The following NAV2 variants were observed in gnomAD, a reference collection of about 807,000 sequenced individuals.
The protein encoded by NAV2 is neuron navigator 2, also known as helicase, APC down-regulated 1.
Under a neutral mutation model 223.2 loss-of-function variants are expected in NAV2, and 54 were observed. The ratio of observed to expected loss-of-function variants is 0.24; its 90% confidence interval spans 0.19 to 0.30. The LOEUF is 0.30. NAV2 is among the 10% of genes least tolerant of loss of function. NAV2 has a pLI of 1.00. For missense variants in NAV2, 2,806 were observed against 3,147.5 expected (o/e 0.89, Z 2.60); for synonymous variants, 1,279 against 1,239.3 (o/e 1.03, Z -0.67).
At chr11:19,947,834 A>C (rs1181325890) in intron 9 of NAV2, among the ~76,000 whole-genome samples, 4 of 152,222 alleles carry the variant, frequency 2.6e-5, no homozygotes, top group African/African-American at 9.6e-5. Flanking sequence ...TGAGAAAAGC[A>C]AAAGTCTGGG....
chr11:19,794,936 G>T (rs533611727), intron 1 of NAV2, among the ~76,000 whole-genome samples: 1 of 152,272 alleles, frequency 6.6e-6, no homozygotes, highest in Admixed American at 6.5e-5. Flanking sequence ...GAAAACAATT[G>T]CAATAAAGAC....
At chr11:19,489,889 C>A (rs2042568087) in intron 1 of NAV2, among the ~76,000 whole-genome samples, 1 of 152,080 alleles carries the variant, frequency 6.6e-6, no homozygotes, top group African/African-American at 2.4e-5. Context: ...TCCCAGAACC[C>A]CAATATTTAG....
chr11:19,515,482 T>TA (rs1044214277), intron 1 of NAV2, among the ~76,000 whole-genome samples: 2 of 152,204 alleles, frequency 1.3e-5, no homozygotes, highest in African/African-American at 4.8e-5. Context: ...TTTTTAAGTG[T>TA]AAAAAGAAAT....
intron 11 of NAV2, among the ~76,000 whole-genome samples, chr11:20,034,263 T>TAGGTCAATTAGAGTAGTG (rs2056106433): frequency 1.3e-5 from 2 of 151,726 alleles, no homozygotes; most frequent in Middle Eastern, 3.2e-3. Context: ...TTTTCCCCTA[T>TAGGTCAATTAGAGTAGTG]AGGTCAATTA....
In NAV2 at chr11:20,062,343, C is replaced by T; in HGVS notation, c.4868C>T (p.Ser1623Leu). 1.2e-6 allele frequency: 2 copies of T among 1,611,764 alleles called. No homozygotes were observed. The highest frequency in any genetic ancestry group is 1.7e-6 in the Non-Finnish European group (2 of 1,179,138). ...GSSLSLVSST[S>L]SVYSTPEEKC... The stretch of plus-strand genomic sequence containing the variant: ...TCACTCTCCTTGGTTTCCAGCACAT[C>T]GTCAGTTTATTCTACAGTGAGTATA... The change falls in exon 20 of 38, where the codon TCG becomes TTG. Residue 1623 changes from serine to leucine, a missense_variant. By Grantham distance (145) the Ser-to-Leu change is moderately radical (BLOSUM62 -2). Transcript: ENST00000349880.
chr11:19,571,595 A>T (rs1274178248), intron 1 of NAV2, among the ~76,000 whole-genome samples: 3 of 152,008 alleles, frequency 2.0e-5, no homozygotes, highest in Non-Finnish European at 4.4e-5. Flanking sequence ...AATCCCAGCT[A>T]CTCGGGAGGC....
At chr11:19,533,248 T>A (rs113131399) in intron 1 of NAV2, among the ~76,000 whole-genome samples, 73 of 152,234 alleles carry the variant, frequency 4.8e-4, no homozygotes, top group Middle Eastern at 6.8e-3. Context: ...TATATCTTTG[T>A]GATGGAGGAC....
chr11:19,977,052 G>T (rs577529325), intron 10 of NAV2, among the ~76,000 whole-genome samples: 12 of 152,240 alleles, frequency 7.9e-5, no homozygotes, highest in Admixed American at 3.3e-4. Flanking sequence ...CATAAAGGGT[G>T]CCCCAATTTT....
intron 1 of NAV2, among the ~76,000 whole-genome samples, chr11:19,733,828 A>G (rs1376177397): frequency 6.6e-6 from 1 of 152,154 alleles, no homozygotes; most frequent in Non-Finnish European, 1.5e-5. Flanking sequence ...ACTGCTACTG[A>G]TGATGGTAAT....
chr11:20,033,162 T>C (rs766759863), intron 11 of NAV2, among the ~76,000 whole-genome samples: 7 of 152,240 alleles, frequency 4.6e-5, no homozygotes, highest in East Asian at 1.9e-4. Flanking sequence ...GTACTTATTC[T>C]TTCAGCCTCT....
intron 4 of NAV2, among the ~76,000 whole-genome samples, chr11:19,875,013 C>G (rs531543299): frequency 6.6e-6 from 1 of 152,100 alleles, no homozygotes; most frequent in African/African-American, 2.4e-5. Flanking sequence ...CAAAATTAGC[C>G]GGGCGTGGTG....
At chr11:20,096,081 A>G (rs1488617211) in intron 30 of NAV2, among the ~76,000 whole-genome samples, 2 of 152,204 alleles carry the variant, frequency 1.3e-5, no homozygotes, top group African/African-American at 4.8e-5. Context: ...TCACCTTAGA[A>G]TTGTGTCTTA....
At chr11:20,102,070 T>C (rs1023951066) in intron 32 of NAV2, among the ~76,000 whole-genome samples, 1 of 152,138 alleles carries the variant, frequency 6.6e-6, no homozygotes, top group Non-Finnish European at 1.5e-5. Context: ...AGTAACTTGA[T>C]GTAGGTGCAG....
chr11:19,956,039 T>G (rs2047828120), intron 10 of NAV2, among the ~76,000 whole-genome samples: 2 of 152,244 alleles, frequency 1.3e-5, no homozygotes, highest in South Asian at 4.2e-4. Context: ...CTTTTGGCGC[T>G]CTTGGAACGC....
intron 1 of NAV2, among the ~76,000 whole-genome samples, chr11:19,431,973 C>T (rs978541389): frequency 6.6e-6 from 1 of 152,002 alleles, no homozygotes; most frequent in Non-Finnish European, 1.5e-5. Flanking sequence ...CAAGGCTGGC[C>T]GATCACCTGA....
intron 10 of NAV2, among the ~76,000 whole-genome samples, chr11:19,950,445 A>G (rs186186743): frequency 2.6e-5 from 4 of 152,400 alleles, no homozygotes; most frequent in African/African-American, 9.6e-5. Flanking sequence ...TATTAGGGAC[A>G]GAGCGTAATA....
chr11:19,876,338 T>A (rs1416018584), intron 4 of NAV2, among the ~76,000 whole-genome samples: 1 of 152,144 alleles, frequency 6.6e-6, no homozygotes, highest in East Asian at 1.9e-4. Flanking sequence ...ATTTTCTCAT[T>A]TAATCTTCAA....
intron 1 of NAV2, chr11:19,777,787 A>T: frequency 4.5e-6 from 2 of 443,650 alleles, no homozygotes; most frequent in Non-Finnish European, 9.2e-6. Flanking sequence ...CCTTCCACCT[A>T]CGAATTCCTG....
At chr11:19,434,849 CTTT>C (rs57000125) in intron 1 of NAV2, among the ~76,000 whole-genome samples, 2 of 129,238 alleles carry the variant, frequency 1.5e-5, no homozygotes, top group East Asian at 2.2e-4. Context: ...AAGGTTGTGG[CTTT>C]TTTTTTTTTT....
Sources: gnomAD v4.1 joint callset for allele counts (sites outside exome capture counted in the v4.1 genomes callset) on GRCh38, gnomAD v4.1.1 for gene constraint, MANE v1.5 for transcripts, NCBI Gene and HGNC (gene_info 2026-07-23, HGNC 2026-07-21) for gene names.